Variants in TPRG1 observed in about 807,000 individuals in gnomAD.
The protein encoded by TPRG1 is tumor protein p63-regulated gene 1 protein.
Under a neutral mutation model 29.3 loss-of-function variants are expected in TPRG1, and 29 were observed. That is an observed-to-expected ratio of 0.99 (90% CI 0.74 to 1.35). TPRG1 has a LOEUF of 1.35. TPRG1 is among the 40% of genes most tolerant of loss of function. The pLI, the probability that TPRG1 is intolerant of heterozygous loss-of-function variation, is 0.00. For missense variants in TPRG1, 327 were observed against 335.0 expected (o/e 0.98, Z 0.19); for synonymous variants, 130 against 116.8 (o/e 1.11, Z -0.73).
At chr3:189,109,217 C>G (rs1720195787) in intron 1 of TPRG1, among the ~76,000 whole-genome samples, 1 of 152,074 alleles carries the variant, frequency 6.6e-6, no homozygotes, top group African/African-American at 2.4e-5. Flanking sequence ...TTTCTGTCGT[C>G]CGGAGGAAGG....
intron 4 of TPRG1, among the ~76,000 whole-genome samples, chr3:189,251,651 T>C (rs982290412): frequency 2.6e-5 from 4 of 152,294 alleles, no homozygotes; most frequent in Middle Eastern, 3.4e-3. Context: ...CTCTGCATCA[T>C]AGACAAGGTA....
chr3:189,235,450 G>T (rs953699425), intron 3 of TPRG1, among the ~76,000 whole-genome samples: 1 of 152,048 alleles, frequency 6.6e-6, no homozygotes, highest in African/African-American at 2.4e-5. Flanking sequence ...AGTAAAATTT[G>T]TAGGACTAGG....
intron 1 of TPRG1, among the ~76,000 whole-genome samples, chr3:189,200,592 C>T (rs1009934847): frequency 2.0e-5 from 3 of 152,208 alleles, no homozygotes; most frequent in Non-Finnish European, 4.4e-5. Context: ...TTCCTATTCC[C>T]ATCGCTATCC....
At chr3:189,075,876 G>T (rs966128566) in intron 4 of TPRG1, among the ~76,000 whole-genome samples, 1 of 152,164 alleles carries the variant, frequency 6.6e-6, no homozygotes, top group African/African-American at 2.4e-5. Flanking sequence ...CACCTGTCTT[G>T]CATGGAACAC....
intron 5 of TPRG1, among the ~76,000 whole-genome samples, chr3:189,155,874 T>C (rs899591964): frequency 3.3e-5 from 5 of 152,212 alleles, no homozygotes; most frequent in Non-Finnish European, 7.3e-5. Context: ...TACAAAGTTT[T>C]AGTTATGCAG....
At chr3:189,078,352 G>A (rs1324582340) in intron 4 of TPRG1, among the ~76,000 whole-genome samples, 2 of 151,864 alleles carry the variant, frequency 1.3e-5, no homozygotes, top group East Asian at 1.9e-4. Flanking sequence ...TGTTCAGGCT[G>A]GTCTTGAACT....
At chr3:189,311,021 A>G (rs1027596411) in intron 5 of TPRG1, among the ~76,000 whole-genome samples, 27 of 152,290 alleles carry the variant, frequency 1.8e-4, no homozygotes, top group Admixed American at 1.5e-3. Context: ...GTTAAATAGA[A>G]TGATGTGTGT....
chr3:189,269,196 A>T (rs1477648565), intron 4 of TPRG1, among the ~76,000 whole-genome samples: 1 of 152,076 alleles, frequency 6.6e-6, no homozygotes, highest in East Asian at 1.9e-4. Flanking sequence ...ACTATCACTA[A>T]CTTTCTTGGT....
intron 1 of TPRG1, among the ~76,000 whole-genome samples, chr3:189,195,852 C>T (rs73055482): frequency 0.01 from 1,562 of 152,330 alleles, 29 homozygotes; most frequent in African/African-American, 0.036. Context: ...CCCATCTCTA[C>T]GTAACAATCC....
chr3:189,217,258 C>T (rs1432856870), intron 3 of TPRG1, among the ~76,000 whole-genome samples: 5 of 152,298 alleles, frequency 3.3e-5, no homozygotes, highest in Admixed American at 2.6e-4. Context: ...AAAGTATGAA[C>T]AGCTGTCCCC....
At chr3:189,237,225 G>A (rs1410261089) in intron 3 of TPRG1, among the ~76,000 whole-genome samples, 1 of 152,058 alleles carries the variant, frequency 6.6e-6, no homozygotes, top group Non-Finnish European at 1.5e-5. Context: ...GACTGAAGGG[G>A]ATGGAGTGAA....
chr3:189,082,486 A>G (rs1484673683), intron 4 of TPRG1, among the ~76,000 whole-genome samples: 1 of 152,178 alleles, frequency 6.6e-6, no homozygotes, highest in Non-Finnish European at 1.5e-5. Context: ...GGTAAGTCCT[A>G]TCTCCCAACT....
intron 5 of TPRG1, among the ~76,000 whole-genome samples, chr3:189,154,883 G>T (rs1385801999): frequency 2.0e-5 from 3 of 152,162 alleles, no homozygotes; most frequent in African/African-American, 7.2e-5. Context: ...AGTGGGTTGG[G>T]GTGTGGTGGC....
intron 3 of TPRG1, among the ~76,000 whole-genome samples, chr3:189,226,318 A>G (rs1332158683): frequency 2.6e-5 from 4 of 152,236 alleles, no homozygotes; most frequent in Non-Finnish European, 5.9e-5. Flanking sequence ...TTAAAATCAT[A>G]CAGAGTATGT....
intron 3 of TPRG1, among the ~76,000 whole-genome samples, chr3:189,009,175 T>C (rs769285091): frequency 1.3e-5 from 2 of 152,250 alleles, no homozygotes; most frequent in South Asian, 4.1e-4. Context: ...CACTGTTTCG[T>C]GGCCCACCGG....
At chr3:189,269,439 C>A (rs1459112668) in intron 4 of TPRG1, among the ~76,000 whole-genome samples, 1 of 152,004 alleles carries the variant, frequency 6.6e-6, no homozygotes, top group Non-Finnish European at 1.5e-5. Context: ...AGAGGGGAGA[C>A]CTTACTTAGG....
At chr3:189,300,258 C>A (rs1720624934) in intron 4 of TPRG1, among the ~76,000 whole-genome samples, 1 of 152,170 alleles carries the variant, frequency 6.6e-6, no homozygotes, top group Admixed American at 6.5e-5. Context: ...ACCTAACTTT[C>A]CTCATCTGTA....
chr3:189,117,716 C>T (rs2108499538), intron 1 of TPRG1, among the ~76,000 whole-genome samples: 1 of 152,314 alleles, frequency 6.6e-6, no homozygotes, highest in South Asian at 2.1e-4. Context: ...CTGGCATTTA[C>T]CCTCGTTGTA....
chr3:189,200,752 A>T (rs567467850), intron 1 of TPRG1, among the ~76,000 whole-genome samples: 1 of 152,320 alleles, frequency 6.6e-6, no homozygotes, highest in South Asian at 2.1e-4. Context: ...TAATTAACTA[A>T]CTGAGAGTTC....
Sources: allele counts gnomAD v4.1 joint callset (sites outside exome capture counted in the v4.1 genomes callset), GRCh38; gene constraint gnomAD v4.1.1; transcripts MANE v1.5; gene names NCBI Gene and HGNC (gene_info 2026-07-23, HGNC 2026-07-21).